RTTN: variants seen among roughly 807,000 people sequenced by gnomAD.
RTTN encodes rotatin.
In RTTN, 182 loss-of-function variants were observed where a neutral mutation model predicts 269.2. The ratio of observed to expected loss-of-function variants is 0.68; its 90% CI spans 0.60 to 0.76. The LOEUF (loss-of-function observed/expected upper bound fraction) is 0.76. Among genes scored for constraint, RTTN ranks in the 30% least tolerant of loss-of-function variants. The pLI, the probability that RTTN is intolerant of heterozygous loss-of-function variation, is 0.00. For missense variants in RTTN, 2,545 were observed against 2,608.6 expected (o/e 0.98, Z 0.53); for synonymous variants, 1,006 against 963.5 (o/e 1.04, Z -0.82).
In RTTN at chr18:70,202,778, T is replaced by C. The variant is rs2061984598; in HGVS notation, c.398-795A>G. Among the ~76,000 whole-genome samples the C allele has an allele frequency of 1.3e-5, 2 of 152,212 alleles. 1 individual carries two copies. The highest frequency in any genetic ancestry group is 4.1e-4 in the South Asian group (2 of 4,834). Reference sequence around the variant, plus strand: ...ATTCTCAGCTATAGAGTAAGACTAATAACATCTCAGTCAAAAGGCTGCTTT... The same window carrying C: ...ATTCTCAGCTATAGAGTAAGACTAACAACATCTCAGTCAAAAGGCTGCTTT... On this transcript the variant is annotated intron_variant, in intron 3 of 48. Transcript: ENST00000640769.
intron 16 of RTTN, 150 bp from the exon 17 acceptor site, chr18:70,149,187 T>C (rs1328794731): frequency 1.5e-5 from 10 of 676,744 alleles, no homozygotes; most frequent in Admixed American, 3.3e-5. Flanking sequence ...ATAACTTCTA[T>C]GAGCCAAGGA....
chr18:70,047,934 C>T (rs1363054936), intron 40 of RTTN, 37 bp downstream of exon 40: 5 of 1,507,552 alleles, frequency 3.3e-6, no homozygotes, highest in Non-Finnish European at 4.6e-6. Flanking sequence ...TATTTAAACG[C>T]TAAATAAAGT....
chr18:70,184,692 A>T (rs2061492944), intron 10 of RTTN, among the ~76,000 whole-genome samples: 1 of 126,166 alleles, frequency 7.9e-6, no homozygotes, highest in African/African-American at 2.9e-5. Flanking sequence ...TTCCATTCAA[A>T]ACCACAGCAG....
intron 4 of RTTN, among the ~76,000 whole-genome samples, chr18:70,201,605 C>T (rs1426271961): frequency 4.7e-5 from 1 of 21,122 alleles, no homozygotes; most frequent in Non-Finnish European, 1.7e-4. Flanking sequence ...GAGACTCCAT[C>T]TCAAAAAAAA....
chr18:70,015,267 T>C (rs916786582), intron 46 of RTTN, among the ~76,000 whole-genome samples: 16 of 152,050 alleles, frequency 1.1e-4, no homozygotes, highest in African/African-American at 3.9e-4. Flanking sequence ...TTCACCATGT[T>C]GGCCAGACTG....
chr18:70,006,408 A>G lies in RTTN; in HGVS notation c.6498T>C (p.Leu2166=). The change falls in exon 47 of 49, where the codon CTT becomes CTC. Residue 2166 remains leucine (L), a synonymous_variant. Coordinates refer to ENST00000640769, the MANE Select transcript of RTTN (RefSeq NM_173630.4). ...QNAQRIGAAA[L]WALIYNYQKA... ...TCTGATAATTGTAAATCAGAGCCCA[A>G]AGGGCAGCTGCTCCAATCCTCTGAG... is the stretch of plus-strand genomic sequence containing the variant. 3 of 1,613,912 alleles carry G rather than the reference A, an allele frequency of 1.9e-6. No homozygotes were observed. The highest frequency in any genetic ancestry group is 2.2e-5 in the East Asian group (1 of 44,866).
intron 28 of RTTN, among the ~76,000 whole-genome samples, chr18:70,099,910 T>C (rs949891474): frequency 6.6e-6 from 1 of 152,228 alleles, no homozygotes; most frequent in Admixed American, 6.5e-5. Context: ...GTATTATTTC[T>C]GAGGGCTCTG....
chr18:70,119,639 T>G (rs1391281197), intron 26 of RTTN, among the ~76,000 whole-genome samples: 1 of 152,152 alleles, frequency 6.6e-6, no homozygotes, highest in African/African-American at 2.4e-5. Flanking sequence ...AGTTATCTAT[T>G]TATAAAACCA....
In RTTN at chr18:70,059,924, G is replaced by T; in HGVS notation, c.4866C>A (p.Asp1622Glu). 2 of 1,613,952 alleles carry T rather than the reference G, an allele frequency of 1.2e-6. No individual in the cohort carries two copies. The highest frequency in any genetic ancestry group is 1.1e-5 in the South Asian group (1 of 91,054). Residue 1622 changes from aspartate (D) to glutamate (E), a missense_variant, in exon 36 of 49, where the codon GAC (aspartate) becomes GAA (glutamate). Physicochemically the swap from Asp to Glu is conservative, Grantham distance 45 (BLOSUM62 2). Coordinates refer to ENST00000640769, the MANE Select transcript of RTTN (RefSeq NM_173630.4). ...CTCTGGGAGCAATCGTCAAGAGGTT[G>T]TCCAAGAGGCTGCACATTGCTGAAA... ...SLLSAMCSLL[D>E]NLLTIAPRDT... is the part of the protein sequence containing the mutation.
intron 30 of RTTN, among the ~76,000 whole-genome samples, chr18:70,088,542 T>G (rs2058760646): frequency 6.6e-6 from 1 of 152,234 alleles, no homozygotes; most frequent in South Asian, 2.1e-4. Flanking sequence ...TAAATGATTT[T>G]AACTTTCTTA....
rs745396293 is a variant in RTTN, at chr18:70,193,289, T to C, written c.1006A>G (p.Ser336Gly). 2.5e-6 allele frequency: 4 copies of C among 1,609,666 alleles called. No individual in the cohort carries two copies. In the South Asian group the frequency reaches 4.4e-5, roughly 18 times the overall value. ...CCCAGAGACACTGCTAGCAGTCACCTAGAGGACGCTGCATCCCAGTCCTGG... is the reference window on the plus strand; with the variant it reads ...CCCAGAGACACTGCTAGCAGTCACCCAGAGGACGCTGCATCCCAGTCCTGG... Reference protein sequence around the residue: ...DGQDWDAASSSGSSSHAHVNS... With the variant: ...DGQDWDAASSGGSSSHAHVNS... The change falls in exon 8 of 49, where the codon AGT (serine) becomes GGT (glycine). Residue 336 changes from serine (S) to glycine (G), a missense_variant and splice_region_variant. Physicochemically the swap from Ser to Gly is moderately conservative, Grantham distance 56. Coordinates refer to ENST00000640769, the MANE Select transcript of RTTN (RefSeq NM_173630.4).
intron 25 of RTTN, among the ~76,000 whole-genome samples, chr18:70,122,058 T>C (rs933834307): frequency 6.6e-6 from 1 of 152,086 alleles, no homozygotes; most frequent in Non-Finnish European, 1.5e-5. Context: ...CATGTTTCAC[T>C]GATGAGAAGA....
intron 23 of RTTN, chr18:70,131,817 A>ATT (rs2060004800): frequency 6.6e-6 from 1 of 152,046 alleles, no homozygotes; most frequent in Non-Finnish European, 1.5e-5. Context: ...GACAAATAGA[A>ATT]AATAGCAAGC....
chr18:70,040,359 C>A (rs1004149074), intron 40 of RTTN, among the ~76,000 whole-genome samples: 1 of 151,668 alleles, frequency 6.6e-6, no homozygotes, highest in African/African-American at 2.4e-5. Flanking sequence ...AAAACAAAAA[C>A]TGTAAGGACA....
At chr18:70,162,151 A>T (rs142572334) in intron 14 of RTTN, among the ~76,000 whole-genome samples, 1 of 152,232 alleles carries the variant, frequency 6.6e-6, no homozygotes, top group Non-Finnish European at 1.5e-5. Context: ...ACTATGGTAC[A>T]TATACATCAT....
At chr18:70,196,107 A>G (rs1266120760) in intron 7 of RTTN, among the ~76,000 whole-genome samples, 1 of 152,214 alleles carries the variant, frequency 6.6e-6, no homozygotes, top group Non-Finnish European at 1.5e-5. Context: ...AATACTCTTC[A>G]TAAAATTCAA....
rs1365927532 is a variant in RTTN at position 70,114,576 on chromosome 18, G to C, written c.3552C>G (p.Leu1184=). The change falls in exon 27 of 49, where the codon CTC becomes CTG. Residue 1184 remains leucine (L), a synonymous_variant. Transcript: ENST00000640769. ...GTGCCTGTGACTCTGTCAGAACCAAGAGGTCTAACAGTGGGTTTGCACTCT... is the reference window on the plus strand; with the variant it reads ...GTGCCTGTGACTCTGTCAGAACCAACAGGTCTAACAGTGGGTTTGCACTCT... ...LRHSANPLLD[L]LVLTESQARE... is the part of the protein sequence containing the mutation. The C allele has an allele frequency of 1.2e-6, 2 of 1,613,402 alleles. No homozygotes were observed. Among genetic ancestry groups the C allele is most frequent in the Admixed American group, 3.3e-5 (2 of 59,988 alleles).
chr18:70,014,841 G>A (rs906528249), intron 46 of RTTN, among the ~76,000 whole-genome samples: 11 of 152,074 alleles, frequency 7.2e-5, no homozygotes, highest in Admixed American at 2.0e-4. Context: ...CTCACCCCTC[G>A]ATACTCCTCA....
chr18:70,205,677 A>C lies in RTTN; in HGVS notation c.-19T>G, dbSNP rs77804861. On this transcript the variant is annotated 5_prime_UTR_variant, in exon 1 of 49. Transcript: ENST00000640769. ...GGACCATCTCGTCCCGTCAATCTGC[A>C]GCCGCCGGAGAATTAAACTGCCGCG... 7.5e-3 allele frequency: 12,121 copies of C among 1,614,000 alleles called. 777 individuals are homozygous for C. The African/African-American group carries it at 0.14, about 19-fold the overall frequency.
Sources: allele counts gnomAD v4.1 joint callset (sites outside exome capture counted in the v4.1 genomes callset), GRCh38; gene constraint gnomAD v4.1.1; transcripts MANE v1.5; gene names NCBI Gene and HGNC (gene_info 2026-07-23, HGNC 2026-07-21).